DCC: variants seen among roughly 807,000 people sequenced by gnomAD.
The protein encoded by DCC is DCC netrin 1 receptor, also known as netrin receptor DCC.
Under a neutral mutation model 172.5 loss-of-function variants are expected in DCC, and 58 were observed. The ratio of observed to expected loss-of-function variants is 0.34; its 90% CI spans 0.27 to 0.42. DCC has a LOEUF of 0.42. DCC is among the 10% of genes least tolerant of loss of function. DCC has a pLI of 1.00. For synonymous variants in DCC, 709 were observed against 644.5 expected (o/e 1.10, Z -1.52); for missense variants, 1,740 against 1,791.0 (o/e 0.97, Z 0.51).
intron 21 of DCC, among the ~76,000 whole-genome samples, chr18:53,432,734 T>C (rs1041771412): frequency 7.8e-6 from 1 of 127,936 alleles, no homozygotes; most frequent in Non-Finnish European, 1.6e-5. Context: ...TGGGAGAATC[T>C]TTTATCATTA....
chr18:52,655,956 ATGTGTGTG>A lies in DCC; in HGVS notation c.92-96074_92-96067del, dbSNP rs58903211. On this transcript the variant is annotated intron_variant, in intron 1 of 28. Transcript: ENST00000442544. Reference sequence around the variant, plus strand: ...CGCCTGCCCTCTCCATTAAATATATATGTGTGTGTGTGTGTGTGTGTGTGTGTGTGTAT... The same window carrying A: ...CGCCTGCCCTCTCCATTAAATATATATGTGTGTGTGTGTGTGTGTGTGTAT... Among the ~76,000 whole-genome samples the A allele has an allele frequency of 8.9e-5, 12 of 135,416 alleles. No individual in the cohort carries two copies. In the East Asian group the frequency reaches 1.5e-3, roughly 17 times the overall value. The allele number at this position is 135,416 out of a possible 152,430, so 88.8% of individuals were successfully genotyped here.
At chr18:52,404,353 T>C (rs1439350201) in intron 1 of DCC, among the ~76,000 whole-genome samples, 1 of 151,886 alleles carries the variant, frequency 6.6e-6, no homozygotes, top group Non-Finnish European at 1.5e-5. Context: ...TGGAGAACAG[T>C]CATTCTTCTT....
intron 22 of DCC, among the ~76,000 whole-genome samples, chr18:53,438,633 T>C (rs1907851327): frequency 6.6e-6 from 1 of 152,232 alleles, no homozygotes; most frequent in Non-Finnish European, 1.5e-5. Context: ...ATTCAAAAGT[T>C]TGTTGTTGAC....
intron 5 of DCC, among the ~76,000 whole-genome samples, chr18:53,028,540 T>TA: frequency 6.6e-6 from 1 of 152,338 alleles, no homozygotes; most frequent in Admixed American, 6.5e-5. Flanking sequence ...AGGTAGTTGT[T>TA]AAAATCCTTA....
At chr18:52,623,812 A>G (rs1283967543) in intron 1 of DCC, among the ~76,000 whole-genome samples, 2 of 152,018 alleles carry the variant, frequency 1.3e-5, no homozygotes, top group Non-Finnish European at 2.9e-5. Context: ...GATACCTTCT[A>G]TAAGAAAAGG....
chr18:52,666,929 A>G (rs950414824), intron 1 of DCC, among the ~76,000 whole-genome samples: 1 of 152,150 alleles, frequency 6.6e-6, no homozygotes, highest in African/African-American at 2.4e-5. Context: ...ATCTCATATA[A>G]TTGTATATAC....
At chr18:52,996,747 C>G (rs1261604071) in intron 5 of DCC, among the ~76,000 whole-genome samples, 2 of 148,328 alleles carry the variant, frequency 1.3e-5, no homozygotes, top group Non-Finnish European at 3.0e-5. Context: ...TGATTTATTT[C>G]TCTTCTCAAA....
chr18:53,272,438 G>T (rs1443635313), intron 12 of DCC, among the ~76,000 whole-genome samples: 2 of 152,072 alleles, frequency 1.3e-5, no homozygotes, highest in African/African-American at 4.8e-5. Context: ...TTTTCTCACA[G>T]AACTATCAAT....
chr18:53,490,626 G>A (rs897838446), intron 26 of DCC, among the ~76,000 whole-genome samples: 1 of 152,138 alleles, frequency 6.6e-6, no homozygotes, highest in Non-Finnish European at 1.5e-5. Flanking sequence ...GCACGTCATG[G>A]ACAAAAGCAG....
intron 8 of DCC, among the ~76,000 whole-genome samples, chr18:53,167,386 G>GA (rs2054937919): frequency 6.6e-6 from 1 of 152,102 alleles, no homozygotes; most frequent in Admixed American, 6.6e-5. Context: ...TATTCCTAAT[G>GA]AAGAGTATTA....
intron 12 of DCC, among the ~76,000 whole-genome samples, chr18:53,248,518 TGAA>T (rs1408529978): frequency 6.6e-6 from 1 of 151,998 alleles, no homozygotes; most frequent in Non-Finnish European, 1.5e-5. Context: ...TTTGTGATCA[TGAA>T]GAAGGCCAGA....
At chr18:52,588,266 C>T (rs2033722142) in intron 1 of DCC, among the ~76,000 whole-genome samples, 1 of 152,230 alleles carries the variant, frequency 6.6e-6, no homozygotes, top group Non-Finnish European at 1.5e-5. Context: ...CTACCACTGA[C>T]ACCTCAAGCA....
At chr18:52,951,273 CT>C (rs780587185) in intron 5 of DCC, among the ~76,000 whole-genome samples, 4 of 151,482 alleles carry the variant, frequency 2.6e-5, no homozygotes, top group South Asian at 2.1e-4. Context: ...CTTTACAAAT[CT>C]TTTTTTTTAA....
intron 26 of DCC, among the ~76,000 whole-genome samples, chr18:53,495,444 C>T (rs1468447897): frequency 2.0e-5 from 3 of 151,486 alleles, no homozygotes; most frequent in South Asian, 2.1e-4. Context: ...TGAATATTGG[C>T]CCCCACTCTT....
intron 1 of DCC, among the ~76,000 whole-genome samples, chr18:52,534,977 A>C (rs562452986): frequency 6.6e-6 from 1 of 152,264 alleles, no homozygotes; most frequent in South Asian, 2.1e-4. Flanking sequence ...AGTCACTAAT[A>C]AACTTCAGTT....
intron 2 of DCC, among the ~76,000 whole-genome samples, chr18:52,848,938 G>A (rs777019174): frequency 1.1e-4 from 16 of 152,194 alleles, no homozygotes; most frequent in Non-Finnish European, 1.8e-4. Flanking sequence ...AGCATTGACA[G>A]TGTGTACCTC....
rs554691570 is a variant in DCC, at chr18:52,519,100, A to T, written c.91+178222A>T. Reference sequence around the variant, plus strand: ...CTCCTTAGATGATTAGATCTTTCTGAATGACAACTTTTCTATTTATTAGCT... The same window carrying T: ...CTCCTTAGATGATTAGATCTTTCTGTATGACAACTTTTCTATTTATTAGCT... On this transcript the variant is annotated intron_variant, in intron 1 of 28. Coordinates refer to ENST00000442544, the MANE Select transcript of DCC (RefSeq NM_005215.4). 1.8e-4 allele frequency among the ~76,000 whole-genome samples: 28 copies of T among 152,336 alleles called. No homozygotes were observed. In the South Asian group the frequency reaches 5.8e-3, roughly 32 times the overall value.
In DCC at chr18:53,351,418, C is replaced by CACAGTGTATATATAT. The variant is rs1568075226; in HGVS notation, c.2359+11514_2359+11515insGTGTATATATATACA. 1.6e-4 allele frequency among the ~76,000 whole-genome samples: 3 copies of CACAGTGTATATATAT among 19,256 alleles called. 1 individual carries two copies. The highest frequency in any genetic ancestry group is 2.6e-4 in the Non-Finnish European group (3 of 11,614). 12.6% of individuals were successfully genotyped at this position (19,256 alleles called of 152,430 possible). A position where few individuals can be genotyped will look rare whatever the true frequency, so the allele number is the denominator to read the frequency against. On this transcript the variant is annotated intron_variant, in intron 15 of 28. Transcript: ENST00000442544. ...TATACAGTGTATATATATATATATA[C>CACAGTGTATATATAT]ACACTGTGTATATATATATACAGTG...
chr18:53,211,734 T>A (rs1358056851), intron 11 of DCC, among the ~76,000 whole-genome samples: 4 of 150,980 alleles, frequency 2.6e-5, no homozygotes, highest in African/African-American at 9.7e-5. Context: ...AAAAATAAAA[T>A]AAAATAAAAT....
Sources: allele counts gnomAD v4.1 joint callset (sites outside exome capture counted in the v4.1 genomes callset), GRCh38; gene constraint gnomAD v4.1.1; transcripts MANE v1.5; gene names NCBI Gene and HGNC (gene_info 2026-07-23, HGNC 2026-07-21).